The following NRXN3 variants were observed in gnomAD, a reference collection of about 807,000 sequenced individuals.
NRXN3 encodes neurexin III.
A neutral mutation model predicts 137.6 loss-of-function variants in NRXN3; 32 were observed. That is an observed-to-expected ratio of 0.23 (90% CI 0.18 to 0.31). The LOEUF (loss-of-function observed/expected upper bound fraction) is 0.31, where lower values mean the gene tolerates loss of function less well. Ranked by LOEUF, NRXN3 falls within the 10% of genes least tolerant of loss-of-function variation. NRXN3 has a pLI of 1.00. For missense variants in NRXN3, 1,574 were observed against 2,062.5 expected (o/e 0.76, Z 4.59); for synonymous variants, 798 against 784.5 (o/e 1.02, Z -0.29).
chr14:78,366,412 TG>T (rs2085947185), intron 4 of NRXN3, among the ~76,000 whole-genome samples: 1 of 152,200 alleles, frequency 6.6e-6, no homozygotes, highest in South Asian at 2.1e-4. Flanking sequence ...ATAAAAAATT[TG>T]TGTTTAAAAT....
At chr14:79,706,928 T>G (rs1196996017) in intron 19 of NRXN3, among the ~76,000 whole-genome samples, 2 of 152,150 alleles carry the variant, frequency 1.3e-5, no homozygotes, top group Non-Finnish European at 2.9e-5. Flanking sequence ...CCCCTGGCAC[T>G]CCACTCTTTA....
Position 79,339,994 on chromosome 14 carries a change from C to A in NRXN3, c.3263-127227C>A, listed in dbSNP as rs1207518923. 3.9e-5 allele frequency among the ~76,000 whole-genome samples: 6 copies of A among 152,164 alleles called. No homozygotes were observed. The East Asian group carries it at 1.2e-3, about 29-fold the overall frequency. On this transcript the variant is annotated intron_variant, in intron 15 of 20. Transcript: ENST00000335750. ...CTGTTTGAAGAAGGTATTTGAAATT[C>A]TCTCTGAAGTGTTTTCCTATGTCCT...
intron 15 of NRXN3, among the ~76,000 whole-genome samples, chr14:79,358,581 A>AAGAG (rs756432036): frequency 4.0e-5 from 5 of 125,912 alleles, no homozygotes; most frequent in African/African-American, 1.1e-4. Flanking sequence ...AAAAGAAAGA[A>AAGAG]AGAGAGAAAG....
At chr14:79,746,015 T>A (rs1462298543) in intron 19 of NRXN3, among the ~76,000 whole-genome samples, 1 of 152,152 alleles carries the variant, frequency 6.6e-6, no homozygotes, top group Non-Finnish European at 1.5e-5. Flanking sequence ...TATATTCAAA[T>A]AACTTCACAT....
chr14:79,367,266 A>T (rs894287384), intron 15 of NRXN3, among the ~76,000 whole-genome samples: 2 of 152,248 alleles, frequency 1.3e-5, no homozygotes, highest in African/African-American at 4.8e-5. Context: ...TACAGGCGTG[A>T]GCCACCACGC....
intron 16 of NRXN3, among the ~76,000 whole-genome samples, chr14:79,659,013 T>C (rs2098519972): frequency 6.6e-6 from 1 of 152,152 alleles, no homozygotes; most frequent in African/African-American, 2.4e-5. Flanking sequence ...GCTCCTGGAG[T>C]CTGACCCTGG....
chr14:78,898,122 G>A (rs2099183712), intron 10 of NRXN3, among the ~76,000 whole-genome samples: 1 of 151,710 alleles, frequency 6.6e-6, no homozygotes, highest in Admixed American at 6.6e-5. Context: ...AATAAATCTA[G>A]TAATAATAGC....
chr14:78,185,500 C>T (rs1412652929), intron 1 of NRXN3, among the ~76,000 whole-genome samples: 2 of 152,114 alleles, frequency 1.3e-5, no homozygotes, highest in African/African-American at 4.8e-5. Context: ...AGTCAGGGTT[C>T]TGAAGAACCT....
intron 19 of NRXN3, among the ~76,000 whole-genome samples, chr14:79,752,281 T>A (rs1355715236): frequency 6.6e-6 from 1 of 152,144 alleles, no homozygotes; most frequent in African/African-American, 2.4e-5. Context: ...AGATTCAAAT[T>A]CTTCCTGGTT....
chr14:79,209,996 G>A (rs2067405797), intron 15 of NRXN3, among the ~76,000 whole-genome samples: 1 of 152,162 alleles, frequency 6.6e-6, no homozygotes, highest in African/African-American at 2.4e-5. Context: ...TTGGTCATTT[G>A]GTTATAAGCG....
intron 17 of NRXN3, among the ~76,000 whole-genome samples, chr14:79,682,360 G>C (rs113915062): frequency 1.3e-5 from 2 of 152,226 alleles, no homozygotes; most frequent in African/African-American, 4.8e-5. Flanking sequence ...AATTTGCCAA[G>C]TAGAATTAAC....
intron 4 of NRXN3, among the ~76,000 whole-genome samples, chr14:78,610,184 G>A (rs1196652385): frequency 1.3e-5 from 2 of 152,164 alleles, no homozygotes; most frequent in Non-Finnish European, 2.9e-5. Context: ...AAGTCCAGCT[G>A]CAAACTGACA....
intron 4 of NRXN3, among the ~76,000 whole-genome samples, chr14:78,441,517 T>G (rs575600671): frequency 6.6e-6 from 1 of 152,284 alleles, no homozygotes; most frequent in African/African-American, 2.4e-5. Flanking sequence ...TTCTCCCTTC[T>G]TAGAGTCAGA....
At chr14:79,526,778 G>A (rs985841869) in intron 16 of NRXN3, among the ~76,000 whole-genome samples, 2 of 152,116 alleles carry the variant, frequency 1.3e-5, no homozygotes, top group African/African-American at 2.4e-5. Flanking sequence ...GGAAAGAAAC[G>A]AACGTGAGAG....
intron 15 of NRXN3, among the ~76,000 whole-genome samples, chr14:79,291,864 C>T (rs2083266440): frequency 6.6e-6 from 1 of 151,776 alleles, no homozygotes; most frequent in African/African-American, 2.4e-5. Flanking sequence ...TAGGGTCTAC[C>T]TAGATACAGG....
chr14:79,397,030 A>C (rs2095047005), intron 15 of NRXN3, among the ~76,000 whole-genome samples: 1 of 152,174 alleles, frequency 6.6e-6, no homozygotes, highest in South Asian at 2.1e-4. Context: ...GGGAGCTGTT[A>C]GGAAGGCCAG....
intron 19 of NRXN3, among the ~76,000 whole-genome samples, chr14:79,748,598 T>G (rs983315813): frequency 1.3e-5 from 2 of 152,152 alleles, no homozygotes; most frequent in African/African-American, 2.4e-5. Flanking sequence ...ACGATGCATT[T>G]GAAGCCATAT....
At chr14:78,669,634 T>A (rs1391003496) in intron 6 of NRXN3, among the ~76,000 whole-genome samples, 1 of 152,146 alleles carries the variant, frequency 6.6e-6, no homozygotes, top group Non-Finnish European at 1.5e-5. Context: ...CACACGGGTC[T>A]CTTCTTGCTT....
intron 1 of NRXN3, among the ~76,000 whole-genome samples, chr14:78,241,587 T>G (rs2067086229): frequency 6.6e-6 from 1 of 151,864 alleles, no homozygotes. Flanking sequence ...GCCACTGCAT[T>G]CTAGCCTGGG....
Sources: gnomAD v4.1 joint callset for allele counts (sites outside exome capture counted in the v4.1 genomes callset) on GRCh38, gnomAD v4.1.1 for gene constraint, MANE v1.5 for transcripts, NCBI Gene and HGNC (gene_info 2026-07-23, HGNC 2026-07-21) for gene names.